RAP1GAP2: variants seen among roughly 807,000 people sequenced by gnomAD.
RAP1GAP2 encodes RAP1 GTPase activating protein 2.
A neutral mutation model predicts 95.0 loss-of-function variants in RAP1GAP2; 27 were observed. The observed-to-expected ratio is 0.28, with a 90% CI of 0.21 to 0.39. The LOEUF is 0.39. RAP1GAP2 is among the 10% of genes least tolerant of loss of function. RAP1GAP2 has a pLI of 1.00. For missense variants in RAP1GAP2, 771 were observed against 970.0 expected (o/e 0.79, Z 2.72); for synonymous variants, 373 against 380.9 (o/e 0.98, Z 0.24).
chr17:2,985,590 T>A (rs932714160), intron 11 of RAP1GAP2, among the ~76,000 whole-genome samples: 3 of 152,294 alleles, frequency 2.0e-5, no homozygotes, highest in African/African-American at 7.2e-5. Flanking sequence ...GTTTCTATCT[T>A]CCTCCTTTGG....
intron 3 of RAP1GAP2, among the ~76,000 whole-genome samples, chr17:2,956,900 G>A (rs1054395942): frequency 4.6e-5 from 7 of 152,136 alleles, no homozygotes; most frequent in Non-Finnish European, 8.8e-5. Flanking sequence ...AGGCCAAGGC[G>A]GGAGGATCAC....
intron 2 of RAP1GAP2, among the ~76,000 whole-genome samples, chr17:2,882,086 C>CA (rs2073321746): frequency 6.8e-6 from 1 of 147,388 alleles, no homozygotes; most frequent in Non-Finnish European, 1.5e-5. Context: ...TCTCAAAGTG[C>CA]TGGGATTACA....
intron 2 of RAP1GAP2, among the ~76,000 whole-genome samples, chr17:2,804,490 G>A (rs1025613024): frequency 6.6e-6 from 1 of 152,216 alleles, no homozygotes; most frequent in African/African-American, 2.4e-5. Flanking sequence ...GTGGAGCTGA[G>A]TGGTTCTCAC....
At chr17:3,023,615 T>A (rs2151652422) in intron 19 of RAP1GAP2, among the ~76,000 whole-genome samples, 1 of 152,030 alleles carries the variant, frequency 6.6e-6, no homozygotes, top group East Asian at 1.9e-4. Context: ...GAGTTACAGG[T>A]TTTTAAAAAT....
chr17:2,825,834 A>G lies in RAP1GAP2; in HGVS notation c.80+25284A>G, dbSNP rs1164174969. Among the ~76,000 whole-genome samples, 1 of 152,164 alleles carries G rather than the reference A, an allele frequency of 6.6e-6. No individual in the cohort carries two copies. The highest frequency in any genetic ancestry group is 1.5e-5 in the Non-Finnish European group (1 of 68,038). On this transcript the variant is annotated intron_variant, in intron 2 of 24. Transcript: ENST00000254695. The surrounding 1 kb of genome is among the most constrained non-coding windows in gnomAD (Gnocchi z 4.1). ...AAACAGACATTTAACAGTCATCTGC[A>G]AAGCATGAGGCAGTGCCAATAGAGA...
upstream of RAP1GAP2, among the ~76,000 whole-genome samples, chr17:2,775,961 C>T (rs543450021): frequency 6.6e-6 from 1 of 152,292 alleles, no homozygotes; most frequent in African/African-American, 2.4e-5. Context: ...GGTGGATCAC[C>T]TAAGGCCAGG....
At chr17:2,798,946 G>A (rs1473866079) in intron 1 of RAP1GAP2, among the ~76,000 whole-genome samples, 3 of 152,212 alleles carry the variant, frequency 2.0e-5, no homozygotes, top group Admixed American at 6.5e-5. Context: ...TTCCAGCGCC[G>A]ACTCCACCTT....
At chr17:2,769,160 G>A (rs570321618) in intron 1 of RAP1GAP2, among the ~76,000 whole-genome samples, 145 of 147,424 alleles carry the variant, frequency 9.8e-4, no homozygotes, top group African/African-American at 3.5e-3. Flanking sequence ...TGAGTCCACA[G>A]GTTGGAGGCT....
chr17:2,876,092 C>A (rs1009987273), intron 2 of RAP1GAP2, among the ~76,000 whole-genome samples: 5 of 151,974 alleles, frequency 3.3e-5, no homozygotes, highest in South Asian at 4.2e-4. Context: ...CACCCGCCCC[C>A]ACGCCCGGCT....
intron 2 of RAP1GAP2, among the ~76,000 whole-genome samples, chr17:2,889,844 G>A (rs1458575842): frequency 1.6e-5 from 2 of 128,396 alleles, no homozygotes; most frequent in Admixed American, 8.3e-5. Flanking sequence ...CACCACGCCT[G>A]GCTAATTTTT....
At chr17:2,897,930 T>A (rs1446647356) in intron 2 of RAP1GAP2, among the ~76,000 whole-genome samples, 1 of 151,232 alleles carries the variant, frequency 6.6e-6, no homozygotes, top group Non-Finnish European at 1.5e-5. Flanking sequence ...TCTTTTTTTT[T>A]TTTTTTTTGA....
rs2047431676 is a variant in RAP1GAP2 at position 3,034,927 on chromosome 17, G to C, written c.*1566G>C. ...CAATGACAAGGATTTCCAGCTGAAT[G>C]CTTTATTCCCATAGGGATCTGGACC... On this transcript the variant is annotated 3_prime_UTR_variant, in exon 25 of 25. Transcript: ENST00000254695. This position sits in a 1 kb window ranked among gnomAD's most constrained non-coding sequence, Gnocchi z 5.1. 6.6e-6 allele frequency: 1 copy of C among 151,654 alleles called. No individual in the cohort carries two copies. The highest frequency in any genetic ancestry group is 1.9e-4 in the East Asian group (1 of 5,148). The allele number at this position is 151,654 out of a possible 1,614,324, so 9.4% of individuals were successfully genotyped here. A position where few individuals can be genotyped will look rare whatever the true frequency, so the allele number is the denominator to read the frequency against.
chr17:2,757,277 C>G (rs937151515), intron 1 of RAP1GAP2, among the ~76,000 whole-genome samples: 11 of 152,140 alleles, frequency 7.2e-5, no homozygotes, highest in South Asian at 2.1e-4. Flanking sequence ...GGCCATCACG[C>G]CCAGCTAATT....
Position 2,903,813 on chromosome 17 carries a change from CT to C in RAP1GAP2, c.81-1470del, listed in dbSNP as rs1452281322. 6.6e-6 allele frequency among the ~76,000 whole-genome samples: 1 copy of C among 152,164 alleles called. No homozygotes were observed. Among genetic ancestry groups the C allele is most frequent in the Admixed American group, 6.5e-5 (1 of 15,276 alleles). On this transcript the variant is annotated intron_variant, in intron 2 of 24. Coordinates refer to ENST00000254695, the MANE Select transcript of RAP1GAP2 (RefSeq NM_015085.5). The surrounding 1 kb of genome is among the most constrained non-coding windows in gnomAD (Gnocchi z 4.1). ...GGGGTACACATGACCCAGGCCTAGCCTGGAAGTGTTCTCAGCCTGGTCCTGC... is the reference window on the plus strand; with the variant it reads ...GGGGTACACATGACCCAGGCCTAGCCGGAAGTGTTCTCAGCCTGGTCCTGC...
intron 2 of RAP1GAP2, among the ~76,000 whole-genome samples, chr17:2,887,460 C>T (rs1028434504): frequency 6.7e-6 from 1 of 149,474 alleles, no homozygotes; most frequent in African/African-American, 2.5e-5. Flanking sequence ...CTACAACCTC[C>T]ACCTCCTGGG....
intron 8 of RAP1GAP2, among the ~76,000 whole-genome samples, chr17:2,976,940 G>A (rs1476851451): frequency 6.6e-6 from 1 of 151,914 alleles, no homozygotes; most frequent in Non-Finnish European, 1.5e-5. Flanking sequence ...TTCAAGACCA[G>A]CCTGGCCAAC....
Position 3,008,033 on chromosome 17 carries a change from T to G in RAP1GAP2, c.1382T>G (p.Leu461Arg). The G allele has an allele frequency of 6.2e-7, 1 of 1,613,904 alleles. No homozygotes were observed. Among genetic ancestry groups the G allele is most frequent in the Non-Finnish European group, 8.5e-7 (1 of 1,179,834 alleles). The change falls in exon 17 of 25, where the codon CTG becomes CGG. Residue 461 changes from leucine (L) to arginine (R), a missense_variant. Transcript: ENST00000254695. The surrounding 1 kb of genome is among the most constrained non-coding windows in gnomAD (Gnocchi z 4.2). ...KLEDRTRAAL[L>R]DNLHDELHAH... ...TAGGACCGGACCAGGGCTGCCCTCC[T>G]GGACAACCTTCACGATGAGCTCCAC... is the stretch of plus-strand genomic sequence containing the variant.
chr17:2,785,022 G>GCGGCATCATCCC (rs1555542312), intron 1 of RAP1GAP2, among the ~76,000 whole-genome samples: 9 of 152,304 alleles, frequency 5.9e-5, no homozygotes, highest in Admixed American at 1.3e-4. Flanking sequence ...CTGTTCATCT[G>GCGGCATCATCCC]CCTGCGGCAT....
chr17:2,870,665 G>T lies in RAP1GAP2; in HGVS notation c.81-34619G>T, dbSNP rs2072807679. Among the ~76,000 whole-genome samples, 1 of 152,104 alleles carries T rather than the reference G, an allele frequency of 6.6e-6. No individual in the cohort carries two copies. The highest frequency in any genetic ancestry group is 1.5e-5 in the Non-Finnish European group (1 of 68,036). ...TCTGTTTCTCTGTATTGTAACAAAGGCGGGATTATACTTTAGGTACAGTAC... is the reference window on the plus strand; with the variant it reads ...TCTGTTTCTCTGTATTGTAACAAAGTCGGGATTATACTTTAGGTACAGTAC... On this transcript the variant is annotated intron_variant, in intron 2 of 24. Transcript: ENST00000254695. The surrounding 1 kb of genome is among the most constrained non-coding windows in gnomAD (Gnocchi z 4.4).
Sources: allele counts gnomAD v4.1 joint callset (sites outside exome capture counted in the v4.1 genomes callset), GRCh38; gene constraint gnomAD v4.1.1; non-coding constraint Gnocchi (gnomAD v3.1); transcripts MANE v1.5; gene names NCBI Gene and HGNC (gene_info 2026-07-23, HGNC 2026-07-21).